Variants in RAP1GAP2 observed in about 807,000 individuals in gnomAD.
RAP1GAP2 encodes rap1 GTPase-activating protein 2.
RAP1GAP2 carries 27 observed loss-of-function variants against 95.0 expected under a neutral mutation model. The ratio of observed to expected loss-of-function variants is 0.28; its 90% CI spans 0.21 to 0.39. RAP1GAP2 has a LOEUF of 0.39. Ranked by LOEUF, RAP1GAP2 falls within the 10% of genes least tolerant of loss-of-function variation. The pLI is 1.00. For missense variants in RAP1GAP2, 771 were observed against 970.0 expected, an observed-to-expected ratio of 0.79 and a Z score of 2.72; for synonymous variants, 373 against 380.9, an observed-to-expected ratio of 0.98 and a Z score of 0.24.
intron 2 of RAP1GAP2, among the ~76,000 whole-genome samples, chr17:2,822,969 C>T (rs1055084504): frequency 2.6e-5 from 4 of 151,980 alleles, no homozygotes; most frequent in African/African-American, 4.8e-5. Context: ...AAAAAGTAGC[C>T]GGGTGTGGTG....
chr17:2,791,356 C>T (rs970011638), intron 1 of RAP1GAP2, among the ~76,000 whole-genome samples: 1 of 152,006 alleles, frequency 6.6e-6, no homozygotes, highest in Middle Eastern at 3.2e-3. Flanking sequence ...CTCTGGGAAG[C>T]GTTTTGAGCC....
chr17:2,899,581 G>A (rs1202681707), intron 2 of RAP1GAP2, among the ~76,000 whole-genome samples: 1 of 151,556 alleles, frequency 6.6e-6, no homozygotes, highest in Non-Finnish European at 1.5e-5. Flanking sequence ...CACAATCTTG[G>A]CTCACTGCAA....
rs2042147752 is a variant in RAP1GAP2 at position 2,904,851 on chromosome 17, A to T, written c.81-433A>T. ...TAGATTTTGGTGCATTGGAGTAAAG[A>T]AAATGCTCCCAATTCTGGTTTCTGC... is the stretch of plus-strand genomic sequence containing the variant. On this transcript the variant is annotated intron_variant, in intron 2 of 24. Transcript: ENST00000254695. This position sits in a 1 kb window ranked among gnomAD's most constrained non-coding sequence, Gnocchi z 4.7. Among the ~76,000 whole-genome samples, 1 of 152,026 alleles carries T rather than the reference A, an allele frequency of 6.6e-6. No individual in the cohort carries two copies.
At chr17:2,922,832 GTTT>G (rs1182641512) in intron 3 of RAP1GAP2, among the ~76,000 whole-genome samples, 2 of 75,048 alleles carry the variant, frequency 2.7e-5, no homozygotes. Context: ...TTTTGTTTTT[GTTT>G]TTTTTTTTTT....
intron 19 of RAP1GAP2, among the ~76,000 whole-genome samples, chr17:3,023,737 A>G (rs1302874948): frequency 6.6e-6 from 1 of 152,158 alleles, no homozygotes; most frequent in African/African-American, 2.4e-5. Context: ...TGCTGCACCC[A>G]TCAACCCGTC....
Position 3,004,888 on chromosome 17 carries a change from A to G in RAP1GAP2, c.1201-481A>G, listed in dbSNP as rs2046284857. ...GAGCTGAGGAGTCAGGCTTGGGAAG[A>G]GAACCCCAGAGACGGGTCGGGAGAG... On this transcript the variant is annotated intron_variant, in intron 14 of 24. Transcript: ENST00000254695. This position sits in a 1 kb window ranked among gnomAD's most constrained non-coding sequence, Gnocchi z 4.1. Among the ~76,000 whole-genome samples, 1 of 152,240 alleles carries G rather than the reference A, an allele frequency of 6.6e-6. No individual in the cohort carries two copies. Among genetic ancestry groups the G allele is most frequent in the East Asian group, 1.9e-4 (1 of 5,206 alleles).
Position 3,029,277 on chromosome 17 carries a change from G to A in RAP1GAP2, c.2108-1645G>A, listed in dbSNP as rs892855613. Among the ~76,000 whole-genome samples, 5 of 152,214 alleles carry A rather than the reference G, an allele frequency of 3.3e-5. No homozygotes were observed. The highest frequency in any genetic ancestry group is 9.7e-5 in the African/African-American group (4 of 41,446). On this transcript the variant is annotated intron_variant, in intron 22 of 24. Transcript: ENST00000254695. This position sits in a 1 kb window ranked among gnomAD's most constrained non-coding sequence, Gnocchi z 4.4. Reference sequence around the variant, plus strand: ...CAGGTTGCTGAAGGTCACCGAGGGCGGAAGGGACCTGGAGCGGGTCTGGTG... The same window carrying A: ...CAGGTTGCTGAAGGTCACCGAGGGCAGAAGGGACCTGGAGCGGGTCTGGTG...
intron 3 of RAP1GAP2, among the ~76,000 whole-genome samples, chr17:2,910,147 A>G (rs2042325042): frequency 6.6e-6 from 1 of 152,136 alleles, no homozygotes; most frequent in African/African-American, 2.4e-5. Flanking sequence ...TCTTTCCTTA[A>G]CTTGAGTTCC....
At chr17:2,875,212 G>A (rs886683024) in intron 2 of RAP1GAP2, among the ~76,000 whole-genome samples, 8 of 152,080 alleles carry the variant, frequency 5.3e-5, no homozygotes, top group African/African-American at 1.7e-4. Context: ...GATTACAGGC[G>A]TGCACCACCA....
intron 3 of RAP1GAP2, among the ~76,000 whole-genome samples, chr17:2,925,166 A>G (rs1043405677): frequency 1.3e-5 from 2 of 152,138 alleles, no homozygotes; most frequent in African/African-American, 4.8e-5. Context: ...AACCGGGAAG[A>G]TGTGATCTCT....
chr17:2,868,023 C>A (rs900630776), intron 2 of RAP1GAP2, among the ~76,000 whole-genome samples: 2 of 152,170 alleles, frequency 1.3e-5, no homozygotes, highest in African/African-American at 4.8e-5. Context: ...CCTGTGACCG[C>A]GCTGGACCTG....
intron 4 of RAP1GAP2, among the ~76,000 whole-genome samples, chr17:2,960,732 T>G (rs1488490915): frequency 2.0e-5 from 3 of 152,146 alleles, no homozygotes; most frequent in Non-Finnish European, 4.4e-5. Context: ...CTTGGGAAGG[T>G]CAAAATCCCT....
At chr17:2,820,985 T>C (rs990996529) in intron 2 of RAP1GAP2, among the ~76,000 whole-genome samples, 1 of 150,794 alleles carries the variant, frequency 6.6e-6, no homozygotes. Context: ...TCTGCCTGCC[T>C]CGGCCTCCCA....
At chr17:3,025,189 C>T (rs914722021) in intron 19 of RAP1GAP2, among the ~76,000 whole-genome samples, 7 of 152,134 alleles carry the variant, frequency 4.6e-5, no homozygotes, top group Non-Finnish European at 1.0e-4. Flanking sequence ...CCAGCTTGGC[C>T]AATGCAATGA....
rs1782309239 is a variant in RAP1GAP2, at chr17:3,036,687, AC to A, written c.*3329del. On this transcript the variant is annotated 3_prime_UTR_variant, in exon 25 of 25. Coordinates refer to ENST00000254695, the MANE Select transcript of RAP1GAP2 (RefSeq NM_015085.5). ...GAGGCCAGGGAAAAAGATGCTGTTC[AC>A]CCACCCTCAGCTTCCCTTTTCCTAA... The A allele has an allele frequency of 6.6e-6, 1 of 152,144 alleles. No individual in the cohort carries two copies. Among genetic ancestry groups the A allele is most frequent in the Admixed American group, 6.6e-5 (1 of 15,258 alleles). 9.4% of individuals were successfully genotyped at this position (152,144 alleles called of 1,614,324 possible).
intron 2 of RAP1GAP2, among the ~76,000 whole-genome samples, chr17:2,893,120 C>A (rs1361831481): frequency 2.0e-5 from 3 of 151,952 alleles, no homozygotes; most frequent in Non-Finnish European, 4.4e-5. Context: ...CTCTGCCTCC[C>A]GGGTTCAAGT....
At chr17:2,770,363 A>T (rs948143768) in exon 2 of RAP1GAP2, 1 of 398,526 alleles carries the variant, frequency 2.5e-6, no homozygotes, top group African/African-American at 2.1e-5. Context: ...AATCGAGGAG[A>T]GGACGCTGAC....
chr17:2,764,071 C>T (rs890079163), intron 1 of RAP1GAP2, among the ~76,000 whole-genome samples: 1 of 151,786 alleles, frequency 6.6e-6, no homozygotes, highest in African/African-American at 2.4e-5. Flanking sequence ...CTGGCCCTAG[C>T]AACCTACGAT....
chr17:2,770,323 C>T (rs1450324218), intron 1 of RAP1GAP2: 4 of 398,498 alleles, frequency 1.0e-5, no homozygotes, highest in Non-Finnish European at 8.8e-6. Context: ...CCTGTCCTGC[C>T]CACAGGTACG....
Sources: gnomAD v4.1 joint callset for allele counts (sites outside exome capture counted in the v4.1 genomes callset) on GRCh38, gnomAD v4.1.1 for gene constraint, Gnocchi (gnomAD v3.1) non-coding constraint, MANE v1.5 for transcripts, NCBI Gene and HGNC (gene_info 2026-07-23, HGNC 2026-07-21) for gene names.